The following SNTG2 variants were observed in gnomAD, a reference collection of about 807,000 sequenced individuals.
SNTG2 encodes the protein syntrophin gamma 2.
In SNTG2, 74 loss-of-function variants were observed where a neutral mutation model predicts 70.9. That is an observed-to-expected ratio of 1.04 (90% confidence interval 0.86 to 1.27). The LOEUF (loss-of-function observed/expected upper bound fraction) is 1.27, where lower values mean the gene tolerates loss of function less well. Ranked by LOEUF, SNTG2 falls within the 50% of genes most tolerant of loss-of-function variation. SNTG2 has a pLI of 0.00. For synonymous variants in SNTG2, 278 were observed against 273.8 expected (o/e 1.02, Z -0.15); for missense variants, 717 against 690.7 (o/e 1.04, Z -0.43).
At chr2:1,342,116 T>C (rs1339376617) in intron 16 of SNTG2, among the ~76,000 whole-genome samples, 1 of 152,242 alleles carries the variant, frequency 6.6e-6, no homozygotes, top group Non-Finnish European at 1.5e-5. Flanking sequence ...CTTGAGGACC[T>C]AATTAATGCA....
At chr2:1,270,750 G>T (rs938796203) in intron 14 of SNTG2, among the ~76,000 whole-genome samples, 1 of 152,160 alleles carries the variant, frequency 6.6e-6, no homozygotes, top group African/African-American at 2.4e-5. Context: ...TCCACCTTCT[G>T]TCTCTGTTTT....
At chr2:1,149,523 A>G (rs59989750) in intron 6 of SNTG2, among the ~76,000 whole-genome samples, 142,479 of 152,104 alleles carry the variant, frequency 0.94, 66,857 homozygotes, top group Non-Finnish European at 0.97. Context: ...TCTGTGGGTT[A>G]ATCTGTAAAC....
chr2:1,353,203 C>A lies in SNTG2; in HGVS notation c.1489-14140C>A, dbSNP rs1425219699. Among the ~76,000 whole-genome samples the A allele has an allele frequency of 2.0e-5, 3 of 152,242 alleles. No homozygotes were observed. Among genetic ancestry groups the A allele is most frequent in the African/African-American group, 7.2e-5 (3 of 41,560 alleles). ...GGCTGCACATCAGGCCCCCTCCATC[C>A]CCAGGACAGCCAGGTCACCTGTACA... is the stretch of plus-strand genomic sequence containing the variant. On this transcript the variant is annotated intron_variant, in intron 16 of 16. Coordinates refer to ENST00000308624, the MANE Select transcript of SNTG2 (RefSeq NM_018968.4). This position sits in a 1 kb window ranked among gnomAD's most constrained non-coding sequence, Gnocchi z 4.2.
At chr2:1,204,862 A>T (rs1253317116) in intron 8 of SNTG2, among the ~76,000 whole-genome samples, 1 of 152,168 alleles carries the variant, frequency 6.6e-6, no homozygotes, top group Non-Finnish European at 1.5e-5. Context: ...ATATTCAAGA[A>T]ATGCTTATTA....
intron 1 of SNTG2, among the ~76,000 whole-genome samples, chr2:1,049,513 T>C (rs1661934253): frequency 6.6e-6 from 1 of 152,224 alleles, no homozygotes; most frequent in Admixed American, 6.5e-5. Flanking sequence ...TAATGCTAAA[T>C]CGTATTGTCT....
chr2:1,136,225 A>G (rs910483021), intron 4 of SNTG2, among the ~76,000 whole-genome samples: 18 of 151,918 alleles, frequency 1.2e-4, no homozygotes, highest in Non-Finnish European at 2.4e-4. Flanking sequence ...ATTCCAGATA[A>G]TCAATACATG....
intron 14 of SNTG2, among the ~76,000 whole-genome samples, chr2:1,277,821 G>A (rs960362430): frequency 6.6e-5 from 10 of 152,222 alleles, no homozygotes; most frequent in Admixed American, 6.5e-4. Flanking sequence ...CAGCCCAGTG[G>A]CTCCTCAGAG....
intron 14 of SNTG2, among the ~76,000 whole-genome samples, chr2:1,293,400 T>G (rs1680069906): frequency 6.6e-6 from 1 of 152,096 alleles, no homozygotes; most frequent in South Asian, 2.1e-4. Context: ...CTTCTAGATT[T>G]GCGTTTAGCG....
chr2:1,150,924 G>A (rs1259362540), intron 6 of SNTG2, among the ~76,000 whole-genome samples: 1 of 150,510 alleles, frequency 6.6e-6, no homozygotes, highest in Non-Finnish European at 1.5e-5. Context: ...GCTGAACCGA[G>A]CTCCAACCCC....
chr2:1,235,882 GAGTT>G (rs1411023080), intron 9 of SNTG2, among the ~76,000 whole-genome samples: 1 of 152,232 alleles, frequency 6.6e-6, no homozygotes, highest in Non-Finnish European at 1.5e-5. Flanking sequence ...TTTGGTCTGA[GAGTT>G]GGTTGGCCAA....
intron 1 of SNTG2, among the ~76,000 whole-genome samples, chr2:985,536 A>G (rs1661277960): frequency 1.3e-5 from 2 of 152,242 alleles, no homozygotes; most frequent in South Asian, 4.1e-4. Context: ...ACACCCTGGG[A>G]GGATCTAATC....
At chr2:1,362,408 T>C (rs1456139254) in intron 16 of SNTG2, among the ~76,000 whole-genome samples, 1 of 151,122 alleles carries the variant, frequency 6.6e-6, no homozygotes, top group Non-Finnish European at 1.5e-5. Flanking sequence ...CAGTAGAACT[T>C]CCACAAAGGT....
chr2:1,054,283 A>G (rs1662254727), intron 1 of SNTG2, among the ~76,000 whole-genome samples: 1 of 147,428 alleles, frequency 6.8e-6, no homozygotes, highest in Non-Finnish European at 1.5e-5. Flanking sequence ...CACCCAAGAG[A>G]GGCGGCCCAC....
At chr2:1,222,404 G>C (rs187183962) in intron 9 of SNTG2, among the ~76,000 whole-genome samples, 1 of 152,272 alleles carries the variant, frequency 6.6e-6, no homozygotes, top group Non-Finnish European at 1.5e-5. Flanking sequence ...TGTGTGTGGA[G>C]ATTTCATAGG....
chr2:1,319,366 T>A (rs1681423933), intron 16 of SNTG2, among the ~76,000 whole-genome samples: 1 of 151,894 alleles, frequency 6.6e-6, no homozygotes, highest in Non-Finnish European at 1.5e-5. Context: ...GAAAAAAAAA[T>A]GTAAAACTGC....
At chr2:1,165,877 G>C (rs28674914) in intron 7 of SNTG2, among the ~76,000 whole-genome samples, 1 of 152,078 alleles carries the variant, frequency 6.6e-6, no homozygotes, top group Admixed American at 6.5e-5. Flanking sequence ...TGTGCTTCTC[G>C]TCACTTAACT....
rs1432881445 is a variant in SNTG2, at chr2:1,137,606, TTTTGCCACC to T, written c.326-15_326-7del. 6.2e-7 allele frequency: 1 copy of T among 1,611,542 alleles called. No homozygotes were observed. Among genetic ancestry groups the T allele is most frequent in the African/African-American group, 1.3e-5 (1 of 74,814 alleles). On this transcript the variant is annotated splice_polypyrimidine_tract_variant and splice_region_variant and intron_variant, in intron 4 of 16. Coordinates refer to ENST00000308624, the MANE Select transcript of SNTG2 (RefSeq NM_018968.4). Reference sequence around the variant, plus strand: ...AGATTTCTCTTAAAACTGTTGCCACTTTTGCCACCCTGCAGCTGACCAGACAGGGATGTT... The same window carrying T: ...AGATTTCTCTTAAAACTGTTGCCACTCTGCAGCTGACCAGACAGGGATGTT...
intron 11 of SNTG2, among the ~76,000 whole-genome samples, chr2:1,245,828 C>G (rs1677390016): frequency 6.6e-6 from 1 of 152,140 alleles, no homozygotes; most frequent in South Asian, 2.1e-4. Context: ...TGGCATTTGC[C>G]CCCAGCTAGT....
intron 1 of SNTG2, among the ~76,000 whole-genome samples, chr2:1,078,922 T>C (rs973811048): frequency 6.6e-6 from 1 of 152,170 alleles, no homozygotes; most frequent in Non-Finnish European, 1.5e-5. Context: ...TGCCACCCAC[T>C]GGGGTTGGGG....
Sources: allele counts gnomAD v4.1 joint callset (sites outside exome capture counted in the v4.1 genomes callset), GRCh38; gene constraint gnomAD v4.1.1; non-coding constraint Gnocchi (gnomAD v3.1); transcripts MANE v1.5; gene names NCBI Gene and HGNC (gene_info 2026-07-23, HGNC 2026-07-21).